NCALD: variants seen among roughly 807,000 people sequenced by gnomAD.
NCALD encodes the protein neurocalcin delta, also known as neurocalcin-delta.
NCALD carries 10 observed loss-of-function variants against 18.6 expected under a neutral mutation model. The observed-to-expected ratio is 0.54, with a 90% CI of 0.33 to 0.91. The LOEUF (loss-of-function observed/expected upper bound fraction) is 0.91, where lower values mean the gene tolerates loss of function less well. NCALD is among the 40% of genes least tolerant of loss of function. NCALD has a pLI of 0.03. For synonymous variants in NCALD, 88 were observed against 87.4 expected (o/e 1.01, Z -0.04); for missense variants, 184 against 247.6 (o/e 0.74, Z 1.72).
intron 1 of NCALD, among the ~76,000 whole-genome samples, chr8:102,045,066 C>G (rs1360265455): frequency 6.6e-6 from 1 of 152,220 alleles, no homozygotes; most frequent in African/African-American, 2.4e-5. Context: ...ACATCACCCT[C>G]AAACCTATTT....
intron 2 of NCALD, among the ~76,000 whole-genome samples, chr8:101,922,292 G>C (rs748000113): frequency 3.3e-5 from 5 of 152,122 alleles, no homozygotes; most frequent in Non-Finnish European, 5.9e-5. Context: ...TGTAGCATCA[G>C]AATGGACAGC....
intron 1 of NCALD, among the ~76,000 whole-genome samples, chr8:102,050,131 C>T (rs1586980643): frequency 3.1e-5 from 4 of 127,340 alleles, no homozygotes; most frequent in East Asian, 2.4e-4. Context: ...CACTGCAGTC[C>T]GCAGTCCGGC....
At chr8:101,828,988 A>T (rs1814060757) in intron 4 of NCALD, among the ~76,000 whole-genome samples, 1 of 152,090 alleles carries the variant, frequency 6.6e-6, no homozygotes, top group Non-Finnish European at 1.5e-5. Flanking sequence ...TAGGTGAATG[A>T]ATGAATGTGT....
At chr8:101,736,739 T>C (rs886296335) in intron 1 of NCALD, among the ~76,000 whole-genome samples, 2 of 152,030 alleles carry the variant, frequency 1.3e-5, no homozygotes, top group Non-Finnish European at 2.9e-5. Context: ...CCAAACCAAG[T>C]GGGGTCTGGG....
chr8:102,070,300 G>A (rs544120998), intron 1 of NCALD, among the ~76,000 whole-genome samples: 9 of 152,072 alleles, frequency 5.9e-5, no homozygotes, highest in Admixed American at 2.0e-4. Flanking sequence ...TTAAAAGAAC[G>A]ACATATATAA....
intron 1 of NCALD, among the ~76,000 whole-genome samples, chr8:101,766,151 A>G (rs1277955500): frequency 1.3e-5 from 2 of 152,196 alleles, no homozygotes; most frequent in Admixed American, 1.3e-4. Flanking sequence ...GTGTATTCAC[A>G]AAAGTGTCCT....
intron 2 of NCALD, among the ~76,000 whole-genome samples, chr8:101,946,851 A>G (rs1213672273): frequency 1.3e-5 from 2 of 150,008 alleles, no homozygotes; most frequent in Non-Finnish European, 3.0e-5. Flanking sequence ...TTTGTGCCCT[A>G]ATTGAAGAGG....
intron 2 of NCALD, among the ~76,000 whole-genome samples, chr8:101,934,915 C>CCTGAGTCT (rs1457674519): frequency 2.0e-5 from 3 of 152,030 alleles, no homozygotes; most frequent in African/African-American, 7.2e-5. Flanking sequence ...CAGACTTAGG[C>CCTGAGTCT]AAAACTAAAA....
chr8:101,928,442 A>T (rs1470743266), intron 2 of NCALD, among the ~76,000 whole-genome samples: 1 of 151,918 alleles, frequency 6.6e-6, no homozygotes, highest in Non-Finnish European at 1.5e-5. Context: ...TAAAACATAC[A>T]CCTCTTTGGA....
intron 4 of NCALD, among the ~76,000 whole-genome samples, chr8:101,842,896 G>GA (rs1445455227): frequency 5.3e-5 from 8 of 151,964 alleles, no homozygotes; most frequent in Non-Finnish European, 1.2e-4. Flanking sequence ...AGAAAGGAGA[G>GA]AAAAAAATAG....
At chr8:101,805,986 G>A (rs932577901) in intron 4 of NCALD, among the ~76,000 whole-genome samples, 5 of 152,120 alleles carry the variant, frequency 3.3e-5, no homozygotes, top group African/African-American at 1.2e-4. Flanking sequence ...TAACAGCTGG[G>A]TGTGATATCA....
At chr8:102,031,850 C>T (rs1822684448) in intron 1 of NCALD, among the ~76,000 whole-genome samples, 1 of 152,140 alleles carries the variant, frequency 6.6e-6, no homozygotes, top group Non-Finnish European at 1.5e-5. Context: ...CCTCTGATCT[C>T]CCTGTGATCC....
At chr8:101,776,661 G>T (rs777704341) in intron 1 of NCALD, among the ~76,000 whole-genome samples, 1 of 152,068 alleles carries the variant, frequency 6.6e-6, no homozygotes, top group African/African-American at 2.4e-5. Flanking sequence ...CAACTTGAAA[G>T]CTCCATTCTA....
chr8:101,860,093 A>G (rs998534046), intron 4 of NCALD, among the ~76,000 whole-genome samples: 2 of 152,220 alleles, frequency 1.3e-5, no homozygotes, highest in Non-Finnish European at 2.9e-5. Context: ...CATTGTCTTC[A>G]AAATGTTAAG....
intron 4 of NCALD, among the ~76,000 whole-genome samples, chr8:101,804,716 A>G (rs947426657): frequency 1.4e-5 from 2 of 146,050 alleles, no homozygotes; most frequent in Admixed American, 7.0e-5. Context: ...AATAATTATA[A>G]TAAAATATAA....
chr8:101,852,611 A>G (rs1815143710), intron 4 of NCALD: 1 of 152,196 alleles, frequency 6.6e-6, no homozygotes, highest in Non-Finnish European at 1.5e-5. Flanking sequence ...ATTGAAGACT[A>G]AGAAATGCAT....
intron 1 of NCALD, among the ~76,000 whole-genome samples, chr8:102,072,915 C>T (rs1192660007): frequency 6.6e-6 from 1 of 152,068 alleles, no homozygotes; most frequent in Admixed American, 6.6e-5. Context: ...TGGAGAACAA[C>T]TTATCTGTAT....
chr8:102,075,578 G>A (rs687542), intron 1 of NCALD, among the ~76,000 whole-genome samples: 42,603 of 151,998 alleles, frequency 0.28, 7,201 homozygotes, highest in East Asian at 0.41. Flanking sequence ...TCCCTTCTGA[G>A]GTTCCTTCTT....
At chr8:101,891,784 C>A (rs1417344289) in intron 3 of NCALD, among the ~76,000 whole-genome samples, 1 of 152,184 alleles carries the variant, frequency 6.6e-6, no homozygotes, top group Non-Finnish European at 1.5e-5. Flanking sequence ...CACTCCCACC[C>A]AAATATTGCA....
Sources: allele counts gnomAD v4.1 joint callset (sites outside exome capture counted in the v4.1 genomes callset), GRCh38; gene constraint gnomAD v4.1.1; transcripts MANE v1.5; gene names NCBI Gene and HGNC (gene_info 2026-07-23, HGNC 2026-07-21).